The following SDCCAG8 variants were observed in gnomAD, a reference collection of about 807,000 sequenced individuals.
SDCCAG8 encodes the protein serologically defined colon cancer antigen 8.
In SDCCAG8, 74 loss-of-function variants were observed where a neutral mutation model predicts 101.8. The ratio of observed to expected loss-of-function variants is 0.73; its 90% CI spans 0.60 to 0.88. The LOEUF is 0.88. Among genes scored for constraint, SDCCAG8 ranks in the 40% least tolerant of loss-of-function variants. The pLI, the probability that SDCCAG8 is intolerant of heterozygous loss-of-function variation, is 0.00. For missense variants in SDCCAG8, 787 were observed against 822.6 expected (o/e 0.96, Z 0.53); for synonymous variants, 281 against 292.9 (o/e 0.96, Z 0.41).
intron 13 of SDCCAG8, among the ~76,000 whole-genome samples, chr1:243,408,072 AT>A (rs1237351492): frequency 6.6e-6 from 1 of 152,220 alleles, no homozygotes; most frequent in African/African-American, 2.4e-5. Flanking sequence ...ATAATAATAA[AT>A]TCTTGCAAAA....
chr1:243,449,393 G>T (rs935751366), intron 16 of SDCCAG8, among the ~76,000 whole-genome samples: 4 of 152,196 alleles, frequency 2.6e-5, no homozygotes, highest in Non-Finnish European at 4.4e-5. Context: ...CAAAATTTGT[G>T]ACAGTTTTGT....
At chr1:243,270,916 T>TG in intron 2 of SDCCAG8, 62 bp from the exon 3 acceptor site, 1 of 1,173,428 alleles carries the variant, frequency 8.5e-7, no homozygotes, top group African/African-American at 1.5e-5. Flanking sequence ...GAAGGATGGA[T>TG]GGGTGGTAAG....
At chr1:243,372,041 A>G (rs1402860010) in intron 12 of SDCCAG8, among the ~76,000 whole-genome samples, 1 of 152,160 alleles carries the variant, frequency 6.6e-6, no homozygotes, top group Non-Finnish European at 1.5e-5. Context: ...ATGAACTAGT[A>G]AATACTAAAT....
chr1:243,365,484 T>C (rs1207929271), intron 12 of SDCCAG8, among the ~76,000 whole-genome samples: 1 of 152,192 alleles, frequency 6.6e-6, no homozygotes, highest in Non-Finnish European at 1.5e-5. Context: ...TTATATTCCC[T>C]TTAGCAATCA....
chr1:243,477,084 A>C (rs1662593343), intron 16 of SDCCAG8, among the ~76,000 whole-genome samples: 1 of 152,168 alleles, frequency 6.6e-6, no homozygotes, highest in African/African-American at 2.4e-5. Context: ...AAATTATTAC[A>C]GTAGGTGAAT....
At chr1:243,467,499 A>G (rs190332360) in intron 16 of SDCCAG8, among the ~76,000 whole-genome samples, 4 of 152,344 alleles carry the variant, frequency 2.6e-5, no homozygotes, top group Admixed American at 2.6e-4. Flanking sequence ...CAGTGGCTTT[A>G]TTCGGAGAGA....
At chr1:243,387,321 A>T (rs2078371368) in intron 13 of SDCCAG8, among the ~76,000 whole-genome samples, 1 of 152,078 alleles carries the variant, frequency 6.6e-6, no homozygotes, top group South Asian at 2.1e-4. Context: ...CTACTGCAGG[A>T]AGCTTTCTTT....
chr1:243,321,841 G>A (rs558462374), intron 9 of SDCCAG8, among the ~76,000 whole-genome samples: 7 of 152,302 alleles, frequency 4.6e-5, no homozygotes, highest in East Asian at 1.9e-4. Context: ...TAAAGACAGC[G>A]TTTTGCCATG....
chr1:243,479,553 T>A (rs1242554523), intron 16 of SDCCAG8, among the ~76,000 whole-genome samples: 1 of 152,208 alleles, frequency 6.6e-6, no homozygotes, highest in Non-Finnish European at 1.5e-5. Context: ...TTAAAAATCA[T>A]TTTAAAATGT....
At chr1:243,455,983 C>T (rs147729323) in intron 16 of SDCCAG8, among the ~76,000 whole-genome samples, 247 of 152,258 alleles carry the variant, frequency 1.6e-3, no homozygotes, top group African/African-American at 5.5e-3. Context: ...GCCTCTGGAC[C>T]GAAGGGATGC....
intron 10 of SDCCAG8, among the ~76,000 whole-genome samples, chr1:243,340,722 G>A (rs2075335467): frequency 6.6e-6 from 1 of 152,132 alleles, no homozygotes; most frequent in Non-Finnish European, 1.5e-5. Flanking sequence ...ATTTATTTAT[G>A]GCACTCTGTT....
intron 12 of SDCCAG8, among the ~76,000 whole-genome samples, chr1:243,363,300 T>A (rs2076821023): frequency 6.6e-6 from 1 of 152,184 alleles, no homozygotes. Context: ...AATAAAAAAA[T>A]TATTTTTATG....
intron 17 of SDCCAG8, 30 bp from the exon 18 acceptor site, chr1:243,499,726 T>C (rs377508562): frequency 2.2e-5 from 35 of 1,580,262 alleles, no homozygotes; most frequent in Admixed American, 8.3e-5. Context: ...ACATGAGCTA[T>C]TGAAACTTAC....
At chr1:243,479,725 A>C (rs992386130) in intron 16 of SDCCAG8, among the ~76,000 whole-genome samples, 1 of 152,160 alleles carries the variant, frequency 6.6e-6, no homozygotes, top group Non-Finnish European at 1.5e-5. Flanking sequence ...CTGACGCCAG[A>C]GTATTTTAGG....
At chr1:243,437,060 T>G (rs575083784) in intron 16 of SDCCAG8, among the ~76,000 whole-genome samples, 11 of 152,320 alleles carry the variant, frequency 7.2e-5, no homozygotes, top group Admixed American at 2.6e-4. Flanking sequence ...GGTTTATCTT[T>G]TTGGTAGATC....
rs1429342916 is a variant in SDCCAG8, at chr1:243,336,196, T to C, written c.1222-4843T>C. 2.0e-5 allele frequency among the ~76,000 whole-genome samples: 3 copies of C among 152,328 alleles called. No homozygotes were observed. In the East Asian group the frequency reaches 5.8e-4, roughly 29 times the overall value. The stretch of plus-strand genomic sequence containing the variant: ...GGTAGAATGGTAGGTTCTAAGTTAT[T>C]TGAGAAATTTCCAAACTGCTTTCCA... On this transcript the variant is annotated intron_variant, in intron 10 of 17. Coordinates refer to ENST00000366541, the MANE Select transcript of SDCCAG8 (RefSeq NM_006642.5).
intron 4 of SDCCAG8, among the ~76,000 whole-genome samples, chr1:243,281,981 G>A (rs2069097195): frequency 6.6e-6 from 1 of 151,818 alleles, no homozygotes; most frequent in Non-Finnish European, 1.5e-5. Flanking sequence ...TTATATGATT[G>A]CATTTTATTT....
chr1:243,377,458 C>A (rs746368716), intron 12 of SDCCAG8, among the ~76,000 whole-genome samples: 5 of 151,800 alleles, frequency 3.3e-5, no homozygotes, highest in Non-Finnish European at 7.4e-5. Context: ...TACAGAAAAT[C>A]TACAGTGAAT....
At position 243,378,850 on chromosome 1, in the gene SDCCAG8, C is replaced by A. The variant is rs1288081386; in HGVS notation, c.1603C>A (p.Leu535Met). The change falls in exon 13 of 18, where the codon CTG (leucine) becomes ATG (methionine). Residue 535 changes from leucine (L) to methionine (M), a missense_variant. Transcript: ENST00000366541. ...TELLGESEHQ[L>M]HLTRQEKDSI... The stretch of plus-strand genomic sequence containing the variant: ...ACTGCTGGGCGAATCTGAGCACCAA[C>A]TGCACCTCACCAGGTACTCCCTAAT... The A allele has an allele frequency of 6.2e-7, 1 of 1,614,072 alleles. No homozygotes were observed. Among genetic ancestry groups the A allele is most frequent in the South Asian group, 1.1e-5 (1 of 91,082 alleles).
Sources: allele counts gnomAD v4.1 joint callset (sites outside exome capture counted in the v4.1 genomes callset), GRCh38; gene constraint gnomAD v4.1.1; transcripts MANE v1.5; gene names NCBI Gene and HGNC (gene_info 2026-07-23, HGNC 2026-07-21).